The following NUDT21 variants were observed in gnomAD, a reference collection of about 807,000 sequenced individuals.
NUDT21 encodes cleavage and polyadenylation specificity factor subunit 5.
In NUDT21, 5 loss-of-function variants were observed where a neutral mutation model predicts 29.8. That is an observed-to-expected ratio of 0.17 (90% CI 0.09 to 0.35). The LOEUF (loss-of-function observed/expected upper bound fraction) is 0.35, where lower values mean the gene tolerates loss of function less well. NUDT21 is among the 10% of genes least tolerant of loss of function. The pLI, the probability that NUDT21 is intolerant of heterozygous loss-of-function variation, is 1.00. For missense variants in NUDT21, 76 were observed against 276.0 expected (o/e 0.28, Z 5.13); for synonymous variants, 113 against 98.5 (o/e 1.15, Z -0.87).
At chr16:56,439,596 G>T in intron 4 of NUDT21, 61 bp downstream of exon 4, 1 of 1,050,444 alleles carries the variant, frequency 9.5e-7, no homozygotes, top group Non-Finnish European at 1.5e-6. Flanking sequence ...TTTTTAAAGT[G>T]GCTAGAATTA....
In NUDT21 at chr16:56,430,754, A is replaced by G. The variant is rs532766218; in HGVS notation, c.*1958T>C. 6.6e-6 allele frequency: 1 copy of G among 152,378 alleles called. No homozygotes were observed. Among genetic ancestry groups the G allele is most frequent in the Admixed American group, 6.5e-5 (1 of 15,312 alleles). 9.4% of individuals were successfully genotyped at this position (152,378 alleles called of 1,614,324 possible). ...TTAAGACTTCCGTTTGTGTGTTGCA[A>G]CTTTTACATTCAAAACCAGATCTCT... On this transcript the variant is annotated 3_prime_UTR_variant, in exon 7 of 7. Coordinates refer to ENST00000300291, the MANE Select transcript of NUDT21 (RefSeq NM_007006.3).
In NUDT21 at chr16:56,432,484, C is replaced by CA. The variant is rs1393629938; in HGVS notation, c.*227dup. 1.2e-4 allele frequency: 49 copies of CA among 398,836 alleles called. No individual in the cohort carries two copies. The highest frequency in any genetic ancestry group is 7.9e-4 in the African/African-American group (38 of 48,334). The allele number at this position is 398,836 out of a possible 1,614,324, so 24.7% of individuals were successfully genotyped here. A position where few individuals can be genotyped will look rare whatever the true frequency, so the allele number is the denominator to read the frequency against. On this transcript the variant is annotated 3_prime_UTR_variant, in exon 7 of 7. Transcript: ENST00000300291. ...AAAGTCCATTTTCTTTAATGTTGTA[C>CA]AAAAAAGTATGAGCAGAACCGAAAG...
At chr16:56,449,956 A>T (rs1356878975) in intron 1 of NUDT21, among the ~76,000 whole-genome samples, 1 of 152,110 alleles carries the variant, frequency 6.6e-6, no homozygotes, top group Admixed American at 6.6e-5. Flanking sequence ...GATTTTATAA[A>T]CCCAGCATTT....
At chr16:56,450,345 G>A (rs1374812337) in intron 1 of NUDT21, among the ~76,000 whole-genome samples, 2 of 152,210 alleles carry the variant, frequency 1.3e-5, no homozygotes, top group Admixed American at 1.3e-4. Flanking sequence ...ATGGTTTGAA[G>A]TGTTGAAACA....
intron 3 of NUDT21, among the ~76,000 whole-genome samples, chr16:56,444,323 C>G (rs751083814): frequency 7.9e-5 from 12 of 152,054 alleles, no homozygotes; most frequent in Non-Finnish European, 1.3e-4. Context: ...GTGGCTCACA[C>G]CTGTAATCCC....
chr16:56,440,615 TAC>T (rs1286505478), intron 3 of NUDT21, among the ~76,000 whole-genome samples: 1 of 152,192 alleles, frequency 6.6e-6, no homozygotes, highest in Admixed American at 6.5e-5. Flanking sequence ...GGAAGAAAAC[TAC>T]AGAGGTAAAA....
chr16:56,434,164 G>T (rs1310056615), intron 6 of NUDT21, among the ~76,000 whole-genome samples, 167 bp downstream of exon 6: 1 of 152,194 alleles, frequency 6.6e-6, no homozygotes, highest in Non-Finnish European at 1.5e-5. Context: ...TCTGGGGATG[G>T]TATTAGTCAC....
intron 3 of NUDT21, among the ~76,000 whole-genome samples, chr16:56,441,034 C>T (rs555291777): frequency 1.3e-5 from 2 of 152,142 alleles, no homozygotes; most frequent in Admixed American, 6.5e-5. Context: ...GCCACTGCAC[C>T]GGGCCTCAAA....
At chr16:56,448,520 G>A (rs1962244126) in intron 1 of NUDT21, among the ~76,000 whole-genome samples, 1 of 152,048 alleles carries the variant, frequency 6.6e-6, no homozygotes, top group Non-Finnish European at 1.5e-5. Flanking sequence ...CCTTTTCACA[G>A]CAACTCTTCT....
At position 56,451,245 on chromosome 16, in the gene NUDT21, C is replaced by A; in HGVS notation, c.-43G>T. On this transcript the variant is annotated 5_prime_UTR_variant, in exon 1 of 7. Coordinates refer to ENST00000300291, the MANE Select transcript of NUDT21 (RefSeq NM_007006.3). ...CTGACGGCGAGCAGAAAGTGGCAGG[C>A]AGGGTAGACTTTCCCCGTGCGGGAA... 1 of 1,450,962 alleles carries A rather than the reference C, an allele frequency of 6.9e-7. No homozygotes were observed. Among genetic ancestry groups the A allele is most frequent in the Non-Finnish European group, 9.5e-7 (1 of 1,056,032 alleles). 89.9% of individuals were successfully genotyped at this position (1,450,962 alleles called of 1,614,324 possible). A position where few individuals can be genotyped will look rare whatever the true frequency, so the allele number is the denominator to read the frequency against.
intron 3 of NUDT21, among the ~76,000 whole-genome samples, chr16:56,443,469 T>C (rs535879199): frequency 3.9e-5 from 6 of 152,306 alleles, no homozygotes; most frequent in African/African-American, 1.4e-4. Context: ...CCACCGCGCC[T>C]GGCCCAGGAC....
intron 3 of NUDT21, among the ~76,000 whole-genome samples, chr16:56,442,971 C>T (rs771350362): frequency 7.9e-5 from 12 of 152,124 alleles, no homozygotes; most frequent in Non-Finnish European, 1.3e-4. Context: ...AATCTCCTCT[C>T]ATCTCACCAA....
rs572227916 is a variant in NUDT21, at chr16:56,443,306, A to G, written c.381+3320T>C. The stretch of plus-strand genomic sequence containing the variant: ...ATTCTCCTGCCTCAGCCTCCCGAGT[A>G]GCTGGGATTACAGGCACCCGCCACC... On this transcript the variant is annotated intron_variant, in intron 3 of 6. Coordinates refer to ENST00000300291, the MANE Select transcript of NUDT21 (RefSeq NM_007006.3). Among the ~76,000 whole-genome samples the G allele has an allele frequency of 4.2e-3, 635 of 151,882 alleles. 2 individuals carry two copies. Among genetic ancestry groups the G allele is most frequent in the Non-Finnish European group, 6.0e-3 (406 of 67,974 alleles).
chr16:56,439,798 C>T (rs779758487), intron 3 of NUDT21, 52 bp from the exon 4 acceptor site: 37 of 1,402,608 alleles, frequency 2.6e-5, no homozygotes, highest in Non-Finnish European at 3.6e-5. Context: ...ACTCACAAAT[C>T]CCCTTCTTCA....
intron 3 of NUDT21, among the ~76,000 whole-genome samples, chr16:56,442,050 T>C (rs971553578): frequency 6.6e-6 from 1 of 152,180 alleles, no homozygotes; most frequent in Non-Finnish European, 1.5e-5. Context: ...GGACTACAGA[T>C]GCAAGCCACA....
intron 3 of NUDT21, among the ~76,000 whole-genome samples, chr16:56,446,249 G>T (rs1962219927): frequency 6.6e-6 from 1 of 152,156 alleles, no homozygotes; most frequent in Admixed American, 6.5e-5. Context: ...AAAACTACCT[G>T]CATTCAAACC....
chr16:56,436,376 CTG>C (rs1962104018), intron 4 of NUDT21, among the ~76,000 whole-genome samples: 1 of 152,186 alleles, frequency 6.6e-6, no homozygotes, highest in Non-Finnish European at 1.5e-5. Flanking sequence ...CAAGATTTAA[CTG>C]TATCTATTCA....
At chr16:56,451,061 G>T (rs369540062) in intron 1 of NUDT21, 26 bp downstream of exon 1, 2 of 1,591,728 alleles carry the variant, frequency 1.3e-6, no homozygotes, top group African/African-American at 1.3e-5. Flanking sequence ...CGAGAGAAAT[G>T]CCCGCCAAGG....
At chr16:56,444,301 C>T (rs1962192168) in intron 3 of NUDT21, among the ~76,000 whole-genome samples, 1 of 151,766 alleles carries the variant, frequency 6.6e-6, no homozygotes, top group South Asian at 2.1e-4. Flanking sequence ...AATAAGTAAG[C>T]CTAGACTGAC....
Sources: gnomAD v4.1 joint callset for allele counts (sites outside exome capture counted in the v4.1 genomes callset) on GRCh38, gnomAD v4.1.1 for gene constraint, MANE v1.5 for transcripts, NCBI Gene and HGNC (gene_info 2026-07-23, HGNC 2026-07-21) for gene names.